Variants in NR4A1 observed in about 807,000 individuals in gnomAD.
NR4A1 encodes nuclear receptor subfamily 4immunitygroup A member 1.
Under a neutral mutation model 47.5 loss-of-function variants are expected in NR4A1, and 24 were observed. The ratio of observed to expected loss-of-function variants is 0.50; its 90% CI spans 0.37 to 0.71. The LOEUF (loss-of-function observed/expected upper bound fraction) is 0.71. Ranked by LOEUF, NR4A1 falls within the 30% of genes least tolerant of loss-of-function variation. The pLI is 0.00. For synonymous variants in NR4A1, 353 were observed against 345.7 expected (o/e 1.02, Z -0.24); for missense variants, 669 against 788.6 (o/e 0.85, Z 1.82).
chr12:52,047,804 A>C (rs975684781), upstream of NR4A1, among the ~76,000 whole-genome samples: 5 of 152,236 alleles, frequency 3.3e-5, no homozygotes, highest in African/African-American at 1.2e-4. Context: ...ACAAATGCCA[A>C]GTTGTGAGGA....
intron 1 of NR4A1, 98 bp downstream of exon 1, chr12:52,051,666 G>A (rs1938956600): frequency 2.5e-6 from 2 of 808,236 alleles, no homozygotes; most frequent in Non-Finnish European, 1.5e-6. Context: ...GGGCCGGCAT[G>A]CAAGAGGGTA....
upstream of NR4A1, among the ~76,000 whole-genome samples, chr12:52,051,132 G>C (rs1479262484): frequency 6.6e-6 from 1 of 152,230 alleles, no homozygotes; most frequent in Admixed American, 6.5e-5. Flanking sequence ...AGCCTAGTGG[G>C]CCTGGGAGCT....
At chr12:52,052,146 A>T (rs1223019817) in intron 1 of NR4A1, among the ~76,000 whole-genome samples, 1 of 151,694 alleles carries the variant, frequency 6.6e-6, no homozygotes, top group Admixed American at 6.6e-5. Context: ...GAAGGAAGTG[A>T]CTGGCTTGGT....
Position 52,051,502 on chromosome 12 carries a change from CGCGG to C in NR4A1, c.-67_-64del, listed in dbSNP as rs1376046975. On this transcript the variant is annotated 5_prime_UTR_variant, in exon 1 of 7. Coordinates refer to ENST00000394825, the MANE Select transcript of NR4A1 (RefSeq NM_173157.3). ...TGCACAGAAGAACTTCGGGAGCGCA[CGCGG>C]GACCAGGGACCAGGCTGAGACTCGG... is the stretch of plus-strand genomic sequence containing the variant. 25 of 985,588 alleles carry C rather than the reference CGCGG, an allele frequency of 2.5e-5. No individual in the cohort carries two copies. Among genetic ancestry groups the C allele is most frequent in the Admixed American group, 6.1e-5 (1 of 16,278 alleles). The allele number at this position is 985,588 out of a possible 1,614,324, so 61.1% of individuals were successfully genotyped here. A position where few individuals can be genotyped will look rare whatever the true frequency, so the allele number is the denominator to read the frequency against.
chr12:52,054,689 G>A lies in NR4A1; in HGVS notation c.361G>A (p.Asp121Asn), dbSNP rs745641040. ...CCCCGGCCCCCTGAGCGGCCCAGTG[G>A]ATGAGGCCCTGTCCTCCAGTGGCTC... ...CYPGPLSGPVDEALSSSGSDY... is the reference protein window; with the variant it reads ...CYPGPLSGPVNEALSSSGSDY... Residue 121 changes from aspartate to asparagine, a missense_variant, in exon 2 of 7, where the codon GAT becomes AAT. Transcript: ENST00000394825. The A allele has an allele frequency of 3.1e-6, 5 of 1,613,984 alleles. No homozygotes were observed. The highest frequency in any genetic ancestry group is 4.2e-6 in the Non-Finnish European group (5 of 1,180,024).
chr12:52,035,728 G>A (rs1246242887), intron 1 of NR4A1, among the ~76,000 whole-genome samples: 1 of 152,156 alleles, frequency 6.6e-6, no homozygotes, highest in African/African-American at 2.4e-5. Context: ...AGAGGTTCTT[G>A]GAATCATTAT....
intron 1 of NR4A1, chr12:52,052,764 GC>G: frequency 1.6e-6 from 1 of 617,196 alleles, no homozygotes; most frequent in Non-Finnish European, 2.0e-6. Flanking sequence ...AGGAACAAGC[GC>G]CCAGTTCTGC....
chr12:52,056,313 T>G, intron 3 of NR4A1, 154 bp downstream of exon 3: 4 of 1,356,960 alleles, frequency 2.9e-6, no homozygotes, highest in Non-Finnish European at 4.0e-6. Flanking sequence ...GGAGGCAGCC[T>G]ACACCTGCCT....
At chr12:52,047,886 G>A (rs1333386996), upstream of NR4A1, among the ~76,000 whole-genome samples, 1 of 152,150 alleles carries the variant, frequency 6.6e-6, no homozygotes, top group Non-Finnish European at 1.5e-5. Context: ...CGAGGGCGGT[G>A]GCTCACGCCT....
Position 52,041,809 on chromosome 12 carries a change from G to T in NR4A1, c.-83-1G>T. On this transcript the variant is annotated splice_acceptor_variant, in intron 1 of 7. Coordinates refer to the NR4A1 transcript ENST00000360284. LOFTEE classifies it low-confidence loss of function (5UTR_SPLICE). The stretch of plus-strand genomic sequence containing the variant: ...CACTCACATCGACTCTCCCTCTGTA[G>T]GCCTCCACCATGGACAGAGGCCAGG... 7.2e-7 allele frequency: 1 copy of T among 1,390,594 alleles called. No individual in the cohort carries two copies. The highest frequency in any genetic ancestry group is 9.3e-7 in the Non-Finnish European group (1 of 1,069,608). 86.1% of individuals were successfully genotyped at this position (1,390,594 alleles called of 1,614,324 possible). A position where few individuals can be genotyped will look rare whatever the true frequency, so the allele number is the denominator to read the frequency against.
At position 52,040,215 on chromosome 12, in the gene NR4A1, A is replaced by G. The variant is rs562533302; in HGVS notation, c.-83-1595A>G. On this transcript the variant is annotated intron_variant, in intron 1 of 7. Coordinates refer to the NR4A1 transcript ENST00000360284. ...CTCAGTAAATGCTTGTGATGTGACT[A>G]TTGAGGGGGGCATTTTGATCTGGAA... 2.6e-5 allele frequency among the ~76,000 whole-genome samples: 4 copies of G among 152,114 alleles called. No individual in the cohort carries two copies. The South Asian group carries it at 8.3e-4, about 32-fold the overall frequency.
At chr12:52,034,584 G>C (rs1938197582) in intron 1 of NR4A1, among the ~76,000 whole-genome samples, 1 of 152,236 alleles carries the variant, frequency 6.6e-6, no homozygotes, top group Non-Finnish European at 1.5e-5. Context: ...TGGGTAGAAA[G>C]AGCACTGGCC....
At chr12:52,048,364 G>A (rs1255467673), upstream of NR4A1, among the ~76,000 whole-genome samples, 3 of 151,904 alleles carry the variant, frequency 2.0e-5, no homozygotes, top group African/African-American at 7.3e-5. Flanking sequence ...GGAGGCCAAG[G>A]CGGGCAGATC....
At chr12:52,041,931 TA>T in intron 2 of NR4A1, 1 of 1,434,792 alleles carries the variant, frequency 7.0e-7, no homozygotes, top group African/African-American at 1.4e-5. Flanking sequence ...TCCAGAGTGG[TA>T]AGTGCTCTGC....
At chr12:52,051,330 C>T (rs1938924062), upstream of NR4A1, 2 of 888,522 alleles carry the variant, frequency 2.3e-6, no homozygotes, top group African/African-American at 1.8e-5. Context: ...AACCGCACCG[C>T]CCCCCGCGCC....
chr12:52,036,062 G>A (rs572315292), intron 1 of NR4A1, among the ~76,000 whole-genome samples: 1 of 152,258 alleles, frequency 6.6e-6, no homozygotes, highest in African/African-American at 2.4e-5. Context: ...TTGCCTGTAC[G>A]GGGGTATAGG....
intron 2 of NR4A1, among the ~76,000 whole-genome samples, chr12:52,044,391 T>C (rs114081621): frequency 6.6e-6 from 1 of 152,098 alleles, no homozygotes; most frequent in African/African-American, 2.4e-5. Flanking sequence ...CCCAGCTGCT[T>C]TGGGTGCCTG....
At chr12:52,046,716 A>G (rs1938657554), upstream of NR4A1, among the ~76,000 whole-genome samples, 3 of 152,236 alleles carry the variant, frequency 2.0e-5, no homozygotes, top group African/African-American at 7.2e-5. Context: ...GGGCACGGTG[A>G]CTCACGCCTG....
chr12:52,045,407 C>T (rs1352164526), intron 2 of NR4A1: 4 of 347,274 alleles, frequency 1.2e-5, no homozygotes, highest in Non-Finnish European at 2.4e-5. Context: ...TGGAACCCAT[C>T]CCCCTGTAGC....
Sources: allele counts gnomAD v4.1 joint callset (sites outside exome capture counted in the v4.1 genomes callset), GRCh38; gene constraint gnomAD v4.1.1; transcripts MANE v1.5; gene names NCBI Gene and HGNC (gene_info 2026-07-23, HGNC 2026-07-21).